DPP6: variants seen among roughly 807,000 people sequenced by gnomAD.
DPP6 encodes the protein A-type potassium channel modulatory protein DPP6.
DPP6 carries 69 observed loss-of-function variants against 122.6 expected under a neutral mutation model. The ratio of observed to expected loss-of-function variants is 0.56; its 90% CI spans 0.46 to 0.69. The LOEUF (loss-of-function observed/expected upper bound fraction) is 0.69. Ranked by LOEUF, DPP6 falls within the 30% of genes least tolerant of loss-of-function variation. The pLI, the probability that DPP6 is intolerant of heterozygous loss-of-function variation, is 0.00. For missense variants in DPP6, 928 were observed against 1,116.9 expected (o/e 0.83, Z 2.41); for synonymous variants, 418 against 433.1 (o/e 0.97, Z 0.43).
In DPP6 at chr7:154,836,863, C is replaced by T. The variant is rs555911024; in HGVS notation, c.1667-16917C>T. On this transcript the variant is annotated intron_variant, in intron 16 of 25. Transcript: ENST00000377770. ...CTGGGATTACAGGTGCCTGCCACCA[C>T]GCCCAGCTAATTTTTGTATTTTTAG... 1.6e-4 allele frequency among the ~76,000 whole-genome samples: 24 copies of T among 152,278 alleles called. No individual in the cohort carries two copies. In the East Asian group the frequency reaches 3.5e-3, roughly 22 times the overall value.
At chr7:154,697,897 G>C (rs1840307247) in intron 7 of DPP6, among the ~76,000 whole-genome samples, 1 of 152,156 alleles carries the variant, frequency 6.6e-6, no homozygotes, top group Non-Finnish European at 1.5e-5. Context: ...ACACAGCTTA[G>C]GATGGTGGCA....
At chr7:154,852,990 C>T (rs1436690213) in intron 16 of DPP6, among the ~76,000 whole-genome samples, 2 of 152,202 alleles carry the variant, frequency 1.3e-5, no homozygotes, top group African/African-American at 4.8e-5. Flanking sequence ...TCCAGCCCTG[C>T]AGGAAGGCCA....
chr7:154,682,026 C>G (rs1369322390), intron 7 of DPP6, among the ~76,000 whole-genome samples: 3 of 152,076 alleles, frequency 2.0e-5, no homozygotes, highest in African/African-American at 4.8e-5. Context: ...TGAATGCCAT[C>G]CAGAAGGGAA....
intron 1 of DPP6, among the ~76,000 whole-genome samples, chr7:154,368,598 C>G (rs1216920618): frequency 6.6e-6 from 1 of 152,224 alleles, no homozygotes; most frequent in African/African-American, 2.4e-5. Flanking sequence ...ATTCTATTTA[C>G]AGCATTCTGG....
At chr7:154,508,313 T>G (rs1366201568) in intron 3 of DPP6, among the ~76,000 whole-genome samples, 1 of 152,122 alleles carries the variant, frequency 6.6e-6, no homozygotes, top group East Asian at 1.9e-4. Flanking sequence ...ACGTTGCAAT[T>G]AATGAGGATG....
chr7:153,854,231 C>T, the DPP6 span, among the ~76,000 whole-genome samples: 1 of 151,904 alleles, frequency 6.6e-6, no homozygotes, highest in African/African-American at 2.4e-5. Context: ...AAGTACCATG[C>T]TGTTTTGGTT....
chr7:154,074,110 GAGATATATAT>G (rs1803357658), intron 1 of DPP6, among the ~76,000 whole-genome samples: 2 of 46,866 alleles, frequency 4.3e-5, no homozygotes, highest in East Asian at 5.7e-4. Flanking sequence ...TAGAGATAGA[GAGATATATAT>G]AGATATCTAT....
rs112442208 is a variant in DPP6, at chr7:154,749,174, A to G, written c.884-20243A>G. ...GAGAGAGGGTGAGGGAGCATAGGACAGGAGGGAGAGGGATGGCGGCTTTAC... is the reference window on the plus strand; with the variant it reads ...GAGAGAGGGTGAGGGAGCATAGGACGGGAGGGAGAGGGATGGCGGCTTTAC... On this transcript the variant is annotated intron_variant, in intron 8 of 25. Coordinates refer to ENST00000377770, the MANE Select transcript of DPP6 (RefSeq NM_130797.4). Among the ~76,000 whole-genome samples the G allele has an allele frequency of 2.0e-3, 198 of 99,640 alleles. 3 individuals are homozygous for G. Among genetic ancestry groups the G allele is most frequent in the African/African-American group, 5.0e-3 (133 of 26,440 alleles). 65.4% of individuals were successfully genotyped at this position (99,640 alleles called of 152,430 possible). A position where few individuals can be genotyped will look rare whatever the true frequency, so the allele number is the denominator to read the frequency against.
the DPP6 span, among the ~76,000 whole-genome samples, chr7:153,809,976 G>T: frequency 6.6e-6 from 1 of 152,254 alleles, no homozygotes; most frequent in Non-Finnish European, 1.5e-5. Context: ...GAAGTCTCCA[G>T]TGCCTTAAAG....
At chr7:154,461,277 C>T (rs1400049222) in intron 2 of DPP6, among the ~76,000 whole-genome samples, 1 of 152,134 alleles carries the variant, frequency 6.6e-6, no homozygotes, top group Non-Finnish European at 1.5e-5. Flanking sequence ...TTGATGGACA[C>T]TAGGGTTGCT....
At chr7:153,827,536 G>A in the DPP6 span, among the ~76,000 whole-genome samples, 1 of 152,154 alleles carries the variant, frequency 6.6e-6, no homozygotes, top group Non-Finnish European at 1.5e-5. Context: ...TATATCTCCA[G>A]ACTAGGTAGT....
intron 1 of DPP6, among the ~76,000 whole-genome samples, chr7:154,314,981 A>G (rs1807309260): frequency 1.3e-5 from 2 of 152,322 alleles, no homozygotes; most frequent in East Asian, 1.9e-4. Flanking sequence ...GGACAAACAC[A>G]GCCATTTCTT....
chr7:154,493,144 C>A (rs189600449), intron 3 of DPP6, among the ~76,000 whole-genome samples: 2 of 152,256 alleles, frequency 1.3e-5, no homozygotes, highest in African/African-American at 4.8e-5. Flanking sequence ...AGGATAATGA[C>A]CCCCAAGGCT....
At chr7:154,192,839 T>G (rs1180896411) in intron 1 of DPP6, among the ~76,000 whole-genome samples, 1 of 152,190 alleles carries the variant, frequency 6.6e-6, no homozygotes, top group Non-Finnish European at 1.5e-5. Context: ...GGAGTTGGCA[T>G]GAGGGTGGCC....
At chr7:153,786,448 G>A in the DPP6 span, among the ~76,000 whole-genome samples, 1 of 151,160 alleles carries the variant, frequency 6.6e-6, no homozygotes, top group African/African-American at 2.4e-5. Context: ...CATTAAAATG[G>A]TATACTACTG....
intron 1 of DPP6, among the ~76,000 whole-genome samples, chr7:153,944,695 A>G (rs112702239): frequency 0.28 from 35,865 of 126,576 alleles, 5,488 homozygotes; most frequent in East Asian, 0.59. Flanking sequence ...TTGAGACAGA[A>G]TTTCGGCCCA....
intron 11 of DPP6, among the ~76,000 whole-genome samples, chr7:154,795,043 C>G (rs1346651181): frequency 6.6e-6 from 1 of 152,072 alleles, no homozygotes; most frequent in Admixed American, 6.5e-5. Context: ...CTTGCCTGAC[C>G]TTTTATCTAA....
chr7:153,872,672 T>C, the DPP6 span, among the ~76,000 whole-genome samples: 1 of 152,214 alleles, frequency 6.6e-6, no homozygotes, highest in Non-Finnish European at 1.5e-5. Context: ...GGTGCTATCA[T>C]TATTATCATT....
the DPP6 span, among the ~76,000 whole-genome samples, chr7:153,860,590 A>G: frequency 1.3e-5 from 2 of 151,970 alleles, no homozygotes; most frequent in Non-Finnish European, 2.9e-5. Context: ...TGCCTTCCCA[A>G]TGACAAGCCC....
Sources: gnomAD v4.1 joint callset for allele counts (sites outside exome capture counted in the v4.1 genomes callset) on GRCh38, gnomAD v4.1.1 for gene constraint, MANE v1.5 for transcripts, NCBI Gene and HGNC (gene_info 2026-07-23, HGNC 2026-07-21) for gene names.